The following TMEM178B variants were observed in gnomAD, a reference collection of about 807,000 sequenced individuals.
TMEM178B encodes the protein transmembrane protein 178B.
TMEM178B carries 5 observed loss-of-function variants against 31.0 expected under a neutral mutation model. The observed-to-expected ratio is 0.16, with a 90% CI of 0.08 to 0.34. The LOEUF (loss-of-function observed/expected upper bound fraction) is 0.34, where lower values mean the gene tolerates loss of function less well. TMEM178B is among the 10% of genes least tolerant of loss of function. The probability of loss-of-function intolerance (pLI) is 1.00; values close to 1 mark genes in which losing one functional copy is unlikely to be tolerated. For synonymous variants in TMEM178B, 164 were observed against 164.0 expected (o/e 1.00, Z 0.00); for missense variants, 275 against 400.3 (o/e 0.69, Z 2.67).
intron 1 of TMEM178B, among the ~76,000 whole-genome samples, chr7:141,142,190 G>A (rs1364486545): frequency 6.9e-6 from 1 of 144,554 alleles, no homozygotes; most frequent in Non-Finnish European, 1.5e-5. Context: ...TAGGATAATG[G>A]CCCCCAGCTG....
At chr7:141,252,522 A>T (rs980575621) in intron 2 of TMEM178B, among the ~76,000 whole-genome samples, 4 of 152,172 alleles carry the variant, frequency 2.6e-5, no homozygotes, top group African/African-American at 9.7e-5. Context: ...TGAAGATGAG[A>T]ATTCCTTGGG....
chr7:141,305,514 G>A (rs796147001), intron 2 of TMEM178B, among the ~76,000 whole-genome samples: 13 of 151,678 alleles, frequency 8.6e-5, no homozygotes, highest in African/African-American at 2.4e-4. Context: ...TTCAACCCCC[G>A]CCTCCAGGAT....
intron 2 of TMEM178B, among the ~76,000 whole-genome samples, chr7:141,250,465 G>C (rs1039781495): frequency 1.3e-5 from 2 of 152,160 alleles, no homozygotes; most frequent in Non-Finnish European, 2.9e-5. Context: ...TGTCCTCTCC[G>C]TGTAATTGGG....
intron 1 of TMEM178B, among the ~76,000 whole-genome samples, chr7:141,078,624 G>A (rs7788166): frequency 0.087 from 13,224 of 152,198 alleles, 656 homozygotes; most frequent in South Asian, 0.15. Flanking sequence ...AACAGAAACA[G>A]ATGCAGAGGA....
At chr7:141,466,365 G>A (rs115161790) in intron 3 of TMEM178B, among the ~76,000 whole-genome samples, 2,241 of 152,264 alleles carry the variant, frequency 0.015, 43 homozygotes, top group African/African-American at 0.051. Flanking sequence ...ATTTTCTACT[G>A]GTACTTAGGT....
At chr7:141,457,866 G>A (rs1433476855) in intron 3 of TMEM178B, among the ~76,000 whole-genome samples, 2 of 152,192 alleles carry the variant, frequency 1.3e-5, no homozygotes, top group African/African-American at 4.8e-5. Context: ...GTATAGGCAT[G>A]GAATGTTATC....
intron 1 of TMEM178B, among the ~76,000 whole-genome samples, chr7:141,210,004 C>T (rs761237213): frequency 1.1e-4 from 17 of 151,968 alleles, no homozygotes; most frequent in African/African-American, 3.1e-4. Flanking sequence ...GGCCTGTGAA[C>T]GGGGTGTGAC....
At chr7:141,399,797 T>A (rs1800727701) in intron 2 of TMEM178B, among the ~76,000 whole-genome samples, 1 of 152,196 alleles carries the variant, frequency 6.6e-6, no homozygotes. Flanking sequence ...ATGAATCCTT[T>A]CCTCTGCTGG....
At chr7:141,116,047 G>A (rs77432110) in intron 1 of TMEM178B, among the ~76,000 whole-genome samples, 290 of 152,336 alleles carry the variant, frequency 1.9e-3, no homozygotes, top group Middle Eastern at 6.8e-3. Flanking sequence ...TGGCAAATGA[G>A]TATGGCGCTG....
In TMEM178B at chr7:141,078,792, T is replaced by C. The variant is rs138473281; in HGVS notation, c.382+4100T>C. ...GGATATTTCAGGCAATGGGCCAGCA[T>C]ATGCACAGCCATAGAGGTGTGGAAC... On this transcript the variant is annotated intron_variant, in intron 1 of 3. Transcript: ENST00000565468. Among the ~76,000 whole-genome samples the C allele has an allele frequency of 9.2e-4, 140 of 152,236 alleles. 1 individual carries two copies. The highest frequency in any genetic ancestry group is 3.4e-3 in the Middle Eastern group (1 of 294).
intron 2 of TMEM178B, among the ~76,000 whole-genome samples, chr7:141,325,998 G>A (rs1021659872): frequency 1.3e-5 from 2 of 152,188 alleles, no homozygotes; most frequent in African/African-American, 4.8e-5. Context: ...AATACAGCCA[G>A]CATTGCTAAT....
At chr7:141,458,236 C>T (rs1385317995) in intron 3 of TMEM178B, among the ~76,000 whole-genome samples, 1 of 152,218 alleles carries the variant, frequency 6.6e-6, no homozygotes, top group African/African-American at 2.4e-5. Context: ...TATCCTGCCT[C>T]AGCCTCCTGA....
At chr7:141,494,276 C>A in the TMEM178B span, among the ~76,000 whole-genome samples, 1 of 152,180 alleles carries the variant, frequency 6.6e-6, no homozygotes, top group African/African-American at 2.4e-5. Context: ...TCGGTGGACA[C>A]AATGACTTTA....
At chr7:141,482,106 C>T (rs1802486020), downstream of TMEM178B, among the ~76,000 whole-genome samples, 1 of 152,218 alleles carries the variant, frequency 6.6e-6, no homozygotes, top group Admixed American at 6.5e-5. Flanking sequence ...ATGAATTATG[C>T]AGCCCACAGA....
chr7:141,184,297 T>A (rs1455247422), intron 1 of TMEM178B, among the ~76,000 whole-genome samples: 1 of 152,224 alleles, frequency 6.6e-6, no homozygotes, highest in South Asian at 2.1e-4. Context: ...TTTATTGTCT[T>A]GGATCAGGTT....
intron 2 of TMEM178B, among the ~76,000 whole-genome samples, chr7:141,272,503 C>T (rs897405103): frequency 6.6e-6 from 1 of 152,178 alleles, no homozygotes; most frequent in African/African-American, 2.4e-5. Flanking sequence ...CTACAAATAA[C>T]ATTCAGTGTC....
intron 1 of TMEM178B, among the ~76,000 whole-genome samples, chr7:141,124,816 A>G (rs1203419310): frequency 6.6e-6 from 1 of 152,258 alleles, no homozygotes; most frequent in East Asian, 1.9e-4. Context: ...CACTGTGTGA[A>G]ATAAAAACCT....
chr7:141,426,747 A>T (rs1438668627), intron 2 of TMEM178B, among the ~76,000 whole-genome samples: 1 of 152,194 alleles, frequency 6.6e-6, no homozygotes, highest in East Asian at 1.9e-4. Flanking sequence ...TGACATAAGA[A>T]TAATTATTAA....
At chr7:141,099,400 A>G (rs1275738851) in intron 1 of TMEM178B, among the ~76,000 whole-genome samples, 2 of 152,220 alleles carry the variant, frequency 1.3e-5, no homozygotes, top group Non-Finnish European at 2.9e-5. Context: ...TATTATAAAT[A>G]GCTACTTTTG....
Sources: allele counts gnomAD v4.1 joint callset (sites outside exome capture counted in the v4.1 genomes callset), GRCh38; gene constraint gnomAD v4.1.1; transcripts MANE v1.5; gene names NCBI Gene and HGNC (gene_info 2026-07-23, HGNC 2026-07-21).